Variants in EPB41L2 observed in about 807,000 individuals in gnomAD.
EPB41L2 encodes the protein erythrocyte membrane protein band 4.1 like 2, also known as band 4.1-like protein 2.
Under a neutral mutation model 113.0 loss-of-function variants are expected in EPB41L2, and 43 were observed. The ratio of observed to expected loss-of-function variants is 0.38; its 90% CI spans 0.30 to 0.49. EPB41L2 has a LOEUF of 0.49. Among genes scored for constraint, EPB41L2 ranks in the 20% least tolerant of loss-of-function variants. EPB41L2 has a pLI of 0.95. For synonymous variants in EPB41L2, 442 were observed against 436.7 expected (o/e 1.01, Z -0.15); for missense variants, 1,147 against 1,223.4 (o/e 0.94, Z 0.93).
chr6:131,054,051 T>A (rs1387870932), intron 1 of EPB41L2, among the ~76,000 whole-genome samples: 1 of 152,220 alleles, frequency 6.6e-6, no homozygotes, highest in African/African-American at 2.4e-5. Context: ...TGAGGGTTGA[T>A]GTCAGTGTGA....
intron 1 of EPB41L2, among the ~76,000 whole-genome samples, chr6:131,020,260 T>G (rs73774376): frequency 0.014 from 2,101 of 152,294 alleles, 58 homozygotes; most frequent in African/African-American, 0.045. Flanking sequence ...CAATATTTGT[T>G]CATATCATTA....
intron 8 of EPB41L2, among the ~76,000 whole-genome samples, chr6:130,896,878 G>C (rs572142204): frequency 1.3e-5 from 2 of 152,210 alleles, no homozygotes; most frequent in South Asian, 4.1e-4. Context: ...CAGTATAAAG[G>C]GAGTTCTTGC....
At chr6:130,932,157 T>C (rs919498771) in intron 3 of EPB41L2, among the ~76,000 whole-genome samples, 3 of 152,304 alleles carry the variant, frequency 2.0e-5, no homozygotes, top group African/African-American at 7.2e-5. Context: ...AACTTTCTTA[T>C]TTCACAAATA....
intron 14 of EPB41L2, among the ~76,000 whole-genome samples, chr6:130,877,542 T>C (rs1192723479): frequency 6.6e-6 from 1 of 152,158 alleles, no homozygotes; most frequent in Non-Finnish European, 1.5e-5. Context: ...GGAGAAATGT[T>C]ATGATTGAAA....
intron 1 of EPB41L2, among the ~76,000 whole-genome samples, chr6:130,975,964 G>A (rs959017649): frequency 2.0e-5 from 3 of 152,176 alleles, no homozygotes; most frequent in African/African-American, 7.2e-5. Context: ...GGAGGTGGAG[G>A]TTGCAGTGAA....
intron 14 of EPB41L2, 82 bp from the exon 15 acceptor site, chr6:130,870,208 G>C: frequency 1.3e-6 from 2 of 1,533,980 alleles, no homozygotes; most frequent in South Asian, 1.2e-5. Flanking sequence ...ACCGATGGCA[G>C]ATTCATGTCA....
At chr6:130,951,372 T>A (rs1815013503) in intron 3 of EPB41L2, among the ~76,000 whole-genome samples, 3 of 135,588 alleles carry the variant, frequency 2.2e-5, no homozygotes, top group Non-Finnish European at 4.6e-5. Context: ...TCGCCCAGGC[T>A]GAAGTACAGT....
Position 130,994,705 on chromosome 6 carries a change from T to G in EPB41L2, c.-14-38206A>C, listed in dbSNP as rs533294633. Among the ~76,000 whole-genome samples, 20 of 152,224 alleles carry G rather than the reference T, an allele frequency of 1.3e-4. 1 individual carries two copies. The highest frequency in any genetic ancestry group is 4.8e-4 in the African/African-American group (20 of 41,528). Reference sequence around the variant, plus strand: ...TTATACTTAAACATATAGAAAAGTATAGGTACTGTGAAAAACATAAATCTT... The same window carrying G: ...TTATACTTAAACATATAGAAAAGTAGAGGTACTGTGAAAAACATAAATCTT... On this transcript the variant is annotated intron_variant, in intron 1 of 19. Transcript: ENST00000337057.
chr6:130,996,629 T>A (rs1417701957), intron 1 of EPB41L2, among the ~76,000 whole-genome samples: 2 of 152,194 alleles, frequency 1.3e-5, no homozygotes, highest in Admixed American at 6.5e-5. Flanking sequence ...AGATTAACAC[T>A]TCCAAAATTA....
chr6:130,871,251 T>C (rs1785562074), intron 14 of EPB41L2, among the ~76,000 whole-genome samples: 1 of 152,198 alleles, frequency 6.6e-6, no homozygotes. Context: ...TTCACATTTT[T>C]CTCACACTTA....
intron 1 of EPB41L2, among the ~76,000 whole-genome samples, chr6:131,031,358 A>G (rs1792118065): frequency 6.6e-6 from 1 of 152,184 alleles, no homozygotes; most frequent in African/African-American, 2.4e-5. Flanking sequence ...ACAAAAAATT[A>G]CCATAGAAAC....
intron 3 of EPB41L2, among the ~76,000 whole-genome samples, chr6:130,932,239 A>C (rs1807142845): frequency 6.6e-6 from 1 of 152,080 alleles, no homozygotes; most frequent in South Asian, 2.1e-4. Context: ...AAATAATTAA[A>C]TTATTATGTA....
chr6:131,029,192 T>G (rs965962348), intron 1 of EPB41L2, among the ~76,000 whole-genome samples: 6 of 152,068 alleles, frequency 3.9e-5, no homozygotes, highest in African/African-American at 9.7e-5. Flanking sequence ...CCCTAACATC[T>G]CTCTACTTCC....
At chr6:130,985,168 AC>A (rs1780242023) in intron 1 of EPB41L2, among the ~76,000 whole-genome samples, 2 of 152,232 alleles carry the variant, frequency 1.3e-5, no homozygotes, top group African/African-American at 4.8e-5. Flanking sequence ...CTGTTTGCCC[AC>A]CCTTTCCTGA....
At chr6:130,872,417 G>GC in intron 14 of EPB41L2, 2 of 1,289,374 alleles carry the variant, frequency 1.6e-6, no homozygotes, top group Non-Finnish European at 2.0e-6. Context: ...TTCAGAAGGT[G>GC]CATTAGCGCT....
rs778106153 is a variant in EPB41L2 at position 130,956,012 on chromosome 6, C to G, written c.474G>C (p.Val158=). The G allele has an allele frequency of 6.2e-7, 1 of 1,612,090 alleles. No homozygotes were observed. The highest frequency in any genetic ancestry group is 1.3e-5 in the African/African-American group (1 of 74,746). The change falls in exon 2 of 20, where the codon GTG becomes GTC. Residue 158 remains valine, a synonymous_variant. Coordinates refer to ENST00000337057, the MANE Select transcript of EPB41L2 (RefSeq NM_001431.4). ...AACATACCTGCATCTCCACTTTGCTCACTGAGGGTTTTTCTTCCTTGCTCA... is the reference window on the plus strand; with the variant it reads ...AACATACCTGCATCTCCACTTTGCTGACTGAGGGTTTTTCTTCCTTGCTCA... The part of the protein sequence containing the change: ...PSVSKEEKPS[V]SKVEMQPTEL...
At chr6:130,998,601 C>T (rs1222902218) in intron 1 of EPB41L2, among the ~76,000 whole-genome samples, 8 of 152,074 alleles carry the variant, frequency 5.3e-5, no homozygotes, top group Admixed American at 3.9e-4. Context: ...GGTGTATGTG[C>T]TTAGTTATCT....
At chr6:130,944,172 T>TAC (rs869217556) in intron 3 of EPB41L2, among the ~76,000 whole-genome samples, 2,218 of 125,616 alleles carry the variant, frequency 0.018, 24 homozygotes, top group Non-Finnish European at 0.023. Context: ...TACACACACA[T>TAC]ACACACACAC....
intron 1 of EPB41L2, among the ~76,000 whole-genome samples, chr6:131,056,147 A>G (rs1797539625): frequency 6.6e-6 from 1 of 152,252 alleles, no homozygotes; most frequent in African/African-American, 2.4e-5. Context: ...TTGCTGGAAA[A>G]TATGTGTGCA....
Sources: gnomAD v4.1 joint callset for allele counts (sites outside exome capture counted in the v4.1 genomes callset) on GRCh38, gnomAD v4.1.1 for gene constraint, MANE v1.5 for transcripts, NCBI Gene and HGNC (gene_info 2026-07-23, HGNC 2026-07-21) for gene names.